Variants in FRMD5 observed in about 807,000 individuals in gnomAD.
FRMD5 encodes FERM domain-containing protein 5.
A neutral mutation model predicts 69.0 loss-of-function variants in FRMD5; 20 were observed. The ratio of observed to expected loss-of-function variants is 0.29; its 90% CI spans 0.20 to 0.42. The LOEUF (loss-of-function observed/expected upper bound fraction) is 0.42, where lower values mean the gene tolerates loss of function less well. Ranked by LOEUF, FRMD5 falls within the 10% of genes least tolerant of loss-of-function variation. FRMD5 has a pLI of 1.00. For missense variants in FRMD5, 595 were observed against 708.6 expected (o/e 0.84, Z 1.82); for synonymous variants, 271 against 260.1 (o/e 1.04, Z -0.40).
At chr15:43,974,435 G>A (rs563554408) in intron 1 of FRMD5, among the ~76,000 whole-genome samples, 30 of 152,224 alleles carry the variant, frequency 2.0e-4, no homozygotes, top group African/African-American at 7.2e-4. Flanking sequence ...TACTCTTCCT[G>A]GACAAGTTTC....
intron 1 of FRMD5, among the ~76,000 whole-genome samples, chr15:44,028,021 A>G (rs1891514539): frequency 6.6e-6 from 1 of 152,184 alleles, no homozygotes; most frequent in Non-Finnish European, 1.5e-5. Flanking sequence ...AAAGAAAGTC[A>G]CACATTTAAG....
intron 1 of FRMD5, among the ~76,000 whole-genome samples, chr15:44,052,374 C>T (rs1028777878): frequency 6.6e-6 from 1 of 152,110 alleles, no homozygotes; most frequent in African/African-American, 2.4e-5. Context: ...CTATAAGATG[C>T]TTCAGGCCTA....
chr15:44,143,790 C>T (rs918760779), intron 1 of FRMD5, among the ~76,000 whole-genome samples: 8 of 151,012 alleles, frequency 5.3e-5, no homozygotes, highest in Non-Finnish European at 1.0e-4. Context: ...CCGGGCGTGG[C>T]GGCACGCACC....
chr15:43,956,719 C>A (rs2090121595), intron 1 of FRMD5, among the ~76,000 whole-genome samples: 1 of 152,158 alleles, frequency 6.6e-6, no homozygotes, highest in Non-Finnish European at 1.5e-5. Flanking sequence ...AATCATTTTA[C>A]TTGTTAAAGC....
At chr15:44,117,037 A>G (rs1424623620) in intron 1 of FRMD5, among the ~76,000 whole-genome samples, 1 of 151,856 alleles carries the variant, frequency 6.6e-6, no homozygotes, top group Non-Finnish European at 1.5e-5. Context: ...CCCGGGAGGC[A>G]GAGGTTGCAG....
At chr15:43,912,676 G>A (rs951080363) in intron 4 of FRMD5, among the ~76,000 whole-genome samples, 1 of 151,948 alleles carries the variant, frequency 6.6e-6, no homozygotes, top group Non-Finnish European at 1.5e-5. Context: ...TCTTCCAGGG[G>A]GAGCCCGTCA....
intron 1 of FRMD5, among the ~76,000 whole-genome samples, chr15:44,033,976 C>T (rs995908008): frequency 1.3e-5 from 2 of 152,050 alleles, no homozygotes; most frequent in African/African-American, 4.8e-5. Flanking sequence ...ATAAATTTTC[C>T]CATGAAGCAT....
intron 1 of FRMD5, among the ~76,000 whole-genome samples, chr15:44,038,387 T>G (rs1324336147): frequency 6.6e-6 from 1 of 152,128 alleles, no homozygotes; most frequent in South Asian, 2.1e-4. Flanking sequence ...CTGAATGGTA[T>G]TGCCTAGGTT....
rs767861785 is a variant in FRMD5, at chr15:43,919,760, T to C, written c.250+7A>G. On this transcript the variant is annotated splice_region_variant and intron_variant, in intron 3 of 13. Coordinates refer to ENST00000417257, the MANE Select transcript of FRMD5 (RefSeq NM_032892.5). ...GTGGCTTGAGTCTTTTCATGGAGAA[T>C]ACTTACATCTCAATTGTTTCACCAC... 9 of 1,613,612 alleles carry C rather than the reference T, an allele frequency of 5.6e-6. No homozygotes were observed. Among genetic ancestry groups the C allele is most frequent in the Middle Eastern group, 1.6e-4 (1 of 6,062 alleles).
chr15:44,118,354 T>C (rs2076899867), intron 1 of FRMD5, among the ~76,000 whole-genome samples: 1 of 152,128 alleles, frequency 6.6e-6, no homozygotes, highest in African/African-American at 2.4e-5. Flanking sequence ...GGAAAACACA[T>C]TTTAAGGCAG....
chr15:44,078,638 TAA>T (rs773523825), intron 1 of FRMD5, among the ~76,000 whole-genome samples: 9,557 of 152,130 alleles, frequency 0.063, 415 homozygotes, highest in Non-Finnish European at 0.095. Context: ...CTATGAGAAA[TAA>T]GCCAATGGCC....
At chr15:44,194,925 G>C (rs1159369543) in intron 1 of FRMD5, 28 bp downstream of exon 1, 2 of 1,493,360 alleles carry the variant, frequency 1.3e-6, no homozygotes, top group Admixed American at 2.1e-5. Context: ...GGGGTCCCGC[G>C]GGCGGGGCGG....
intron 1 of FRMD5, among the ~76,000 whole-genome samples, chr15:44,041,060 T>C (rs984596547): frequency 9.2e-6 from 1 of 108,304 alleles, no homozygotes; most frequent in Non-Finnish European, 2.0e-5. Flanking sequence ...TAGTTTCTGA[T>C]AAAACAGACT....
intron 1 of FRMD5, among the ~76,000 whole-genome samples, chr15:43,924,617 A>G (rs1391447747): frequency 6.6e-6 from 1 of 152,196 alleles, no homozygotes; most frequent in African/African-American, 2.4e-5. Context: ...GGTGTAGGGA[A>G]TGTCAGTGTG....
At chr15:44,124,743 C>T (rs988986362) in intron 1 of FRMD5, among the ~76,000 whole-genome samples, 1 of 152,034 alleles carries the variant, frequency 6.6e-6, no homozygotes, top group African/African-American at 2.4e-5. Context: ...CTTAGACATG[C>T]TATTTAAAAC....
intron 1 of FRMD5, among the ~76,000 whole-genome samples, chr15:43,974,179 G>C (rs1281071574): frequency 6.6e-6 from 1 of 152,050 alleles, no homozygotes; most frequent in African/African-American, 2.4e-5. Context: ...TCTAGTGAAA[G>C]TGAGAGGCAA....
intron 1 of FRMD5, among the ~76,000 whole-genome samples, chr15:44,146,526 G>A (rs1335906553): frequency 6.6e-6 from 1 of 152,144 alleles, no homozygotes; most frequent in African/African-American, 2.4e-5. Flanking sequence ...TGGGATTGCT[G>A]GGTCAAATGG....
intron 1 of FRMD5, among the ~76,000 whole-genome samples, chr15:44,150,262 C>T (rs949063220): frequency 1.3e-5 from 2 of 152,162 alleles, no homozygotes; most frequent in African/African-American, 4.8e-5. Flanking sequence ...AGGATGCCTA[C>T]TCTCACCACT....
chr15:43,882,878 C>T (rs1484928984), intron 13 of FRMD5, among the ~76,000 whole-genome samples: 1 of 152,056 alleles, frequency 6.6e-6, no homozygotes, highest in Non-Finnish European at 1.5e-5. Context: ...GGGCTCACTG[C>T]AGCCTCCACC....
Sources: allele counts gnomAD v4.1 joint callset (sites outside exome capture counted in the v4.1 genomes callset), GRCh38; gene constraint gnomAD v4.1.1; transcripts MANE v1.5; gene names NCBI Gene and HGNC (gene_info 2026-07-23, HGNC 2026-07-21).